Variants in ST7L observed in about 807,000 individuals in gnomAD.
ST7L encodes the protein suppression of tumorigenicity 7 like, also known as suppressor of tumorigenicity 7 protein-like.
ST7L carries 57 observed loss-of-function variants against 72.5 expected under a neutral mutation model. That is an observed-to-expected ratio of 0.79 (90% CI 0.64 to 0.98). The LOEUF (loss-of-function observed/expected upper bound fraction) is 0.98. Among genes scored for constraint, ST7L ranks in the 50% least tolerant of loss-of-function variants. ST7L has a pLI of 0.00. For synonymous variants in ST7L, 221 were observed against 240.9 expected (o/e 0.92, Z 0.77); for missense variants, 576 against 672.2 (o/e 0.86, Z 1.58).
intron 11 of ST7L, among the ~76,000 whole-genome samples, chr1:112,568,298 A>C (rs1244981591): frequency 6.6e-6 from 1 of 151,770 alleles, no homozygotes; most frequent in Non-Finnish European, 1.5e-5. Context: ...GGATCACATT[A>C]ATCAAGAGTG....
intron 3 of ST7L, among the ~76,000 whole-genome samples, chr1:112,609,707 C>T (rs541311705): frequency 6.6e-6 from 1 of 151,976 alleles, no homozygotes; most frequent in South Asian, 2.1e-4. Flanking sequence ...CCTGTAGTCC[C>T]AGCTACTCGG....
At chr1:112,527,839 T>C (rs971678961) in intron 14 of ST7L, 6 of 152,184 alleles carry the variant, frequency 3.9e-5, no homozygotes, top group Non-Finnish European at 2.9e-5. Flanking sequence ...CCTGAACACA[T>C]GCGCTGCTTC....
rs199662831 is a variant in ST7L, at chr1:112,610,958, C to T, written c.334G>A (p.Glu112Lys). 8.6e-5 allele frequency: 138 copies of T among 1,614,018 alleles called. No individual in the cohort carries two copies. The highest frequency in any genetic ancestry group is 1.9e-5 in the Non-Finnish European group (22 of 1,180,028). The change falls in exon 3 of 15, where the codon GAG (glutamate) becomes AAG (lysine). Residue 112 changes from glutamate (E) to lysine (K), a missense_variant. Coordinates refer to ENST00000358039, the MANE Select transcript of ST7L (RefSeq NM_017744.5). ...TGCAAATGGCTTACAGATACTTGCT[C>T]AATAAAAGATGTGCCATGCTTATGG... ...YFHKHGTSFI[E>K]QVSVSHLQPL...
rs1247574481 is a variant in ST7L at position 112,608,894 on chromosome 1, G to A, written c.451+1947C>T. On this transcript the variant is annotated intron_variant, in intron 3 of 14. Transcript: ENST00000358039. Reference sequence around the variant, plus strand: ...AAGTGCCACCAGTTGCACTCAGGCAGTATTTTTCTACTAAACTATCATAAC... The same window carrying A: ...AAGTGCCACCAGTTGCACTCAGGCAATATTTTTCTACTAAACTATCATAAC... Among the ~76,000 whole-genome samples the A allele has an allele frequency of 2.6e-5, 4 of 152,144 alleles. 1 individual carries two copies. The highest frequency in any genetic ancestry group is 2.6e-4 in the Admixed American group (4 of 15,282).
chr1:112,568,227 T>C (rs748070505), intron 11 of ST7L, among the ~76,000 whole-genome samples: 1 of 152,208 alleles, frequency 6.6e-6, no homozygotes, highest in Non-Finnish European at 1.5e-5. Context: ...ATGTTTACAT[T>C]TCATAGGTGA....
At chr1:112,544,493 A>T (rs1249455277) in intron 13 of ST7L, among the ~76,000 whole-genome samples, 1 of 152,250 alleles carries the variant, frequency 6.6e-6, no homozygotes. Flanking sequence ...TTGTGCTTTC[A>T]GCACCCAAAG....
At chr1:112,581,836 G>C (rs911687087) in intron 9 of ST7L, among the ~76,000 whole-genome samples, 156 bp downstream of exon 9, 5 of 152,188 alleles carry the variant, frequency 3.3e-5, no homozygotes, top group African/African-American at 1.2e-4. Context: ...GCTAATGAAA[G>C]TCCTGATAAA....
intron 14 of ST7L, among the ~76,000 whole-genome samples, chr1:112,533,971 T>A (rs1391852292): frequency 6.6e-6 from 1 of 152,186 alleles, no homozygotes; most frequent in Non-Finnish European, 1.5e-5. Flanking sequence ...TCAGCCACCA[T>A]GCACAGCTTT....
intron 11 of ST7L, among the ~76,000 whole-genome samples, chr1:112,563,097 T>TATA (rs146284524): frequency 0.048 from 7,247 of 149,728 alleles, 540 homozygotes; most frequent in African/African-American, 0.16. Context: ...TTACTTTTGT[T>TATA]ATAATAATAA....
At chr1:112,590,372 C>A (rs1162763547) in intron 6 of ST7L, among the ~76,000 whole-genome samples, 1 of 152,164 alleles carries the variant, frequency 6.6e-6, no homozygotes, top group East Asian at 1.9e-4. Context: ...TGTTTTTCCC[C>A]TTGATTAAGC....
downstream of ST7L, among the ~76,000 whole-genome samples, chr1:112,519,872 C>CTTCTTTTTTTTTTT (rs10634267): frequency 3.3e-4 from 38 of 115,620 alleles, 1 homozygote; most frequent in Non-Finnish European, 4.4e-4. Flanking sequence ...GCCCATGCTT[C>CTTCTTTTTTTTTTT]TTTTTTTTTT....
At chr1:112,565,211 ATTTTTTTTTTT>A (rs777969643) in intron 11 of ST7L, among the ~76,000 whole-genome samples, 833 of 57,986 alleles carry the variant, frequency 0.014, 10 homozygotes, top group Admixed American at 0.018. Context: ...TGTTCGGCTA[ATTTTTTTTTTT>A]TTTTTTTTTT....
chr1:112,609,146 C>G (rs914199654), intron 3 of ST7L, among the ~76,000 whole-genome samples: 1 of 151,812 alleles, frequency 6.6e-6, no homozygotes, highest in African/African-American at 2.4e-5. Flanking sequence ...GGGCAACATA[C>G]TGAGACCTCA....
At chr1:112,543,405 G>A (rs1656497594) in intron 13 of ST7L, among the ~76,000 whole-genome samples, 1 of 151,912 alleles carries the variant, frequency 6.6e-6, no homozygotes, top group African/African-American at 2.4e-5. Flanking sequence ...AAAATTAGGT[G>A]GGCGTGGTGA....
intron 11 of ST7L, among the ~76,000 whole-genome samples, chr1:112,573,799 C>T (rs1029326472): frequency 6.6e-6 from 1 of 151,572 alleles, no homozygotes; most frequent in Admixed American, 6.6e-5. Context: ...GAGGCTGAGG[C>T]GGGCAGATCG....
intron 9 of ST7L, among the ~76,000 whole-genome samples, chr1:112,579,380 T>TA (rs34252016): frequency 1.8e-4 from 17 of 96,754 alleles, no homozygotes; most frequent in Admixed American, 3.5e-4. Context: ...CGAGACTCTG[T>TA]AAAAAAAAAA....
chr1:112,616,880 T>C lies in ST7L; in HGVS notation c.221A>G (p.Asn74Ser). 1 of 1,605,616 alleles carries C rather than the reference T, an allele frequency of 6.2e-7. No individual in the cohort carries two copies. The highest frequency in any genetic ancestry group is 1.1e-5 in the South Asian group (1 of 88,788). ...CACATAGAATTTGGGTGTCAATGAA[T>C]TTAAAAATACAGTCACTGTCAAAAG... ...ENLAAVTVFL[N>S]SLTPKFYVAL... Residue 74 changes from asparagine (N) to serine (S), a missense_variant, in exon 2 of 15, where the codon AAT (asparagine) becomes AGT (serine). Physicochemically the swap from Asn to Ser is conservative, Grantham distance 46 (BLOSUM62 1). Coordinates refer to ENST00000358039, the MANE Select transcript of ST7L (RefSeq NM_017744.5).
Position 112,582,033 on chromosome 1 carries a change from TGTAATTCTAAAA to T in ST7L, c.1016_1027del (p.Leu339_Leu342del). The T allele has an allele frequency of 6.2e-7, 1 of 1,613,538 alleles. No individual in the cohort carries two copies. On this transcript the variant is annotated inframe_deletion, in exon 9 of 15. Transcript: ENST00000358039. ...GACTGCCTGAACATCTGGATAGGCC[TGTAATTCTAAAA>T]GTGATTCTAAGAGATTTTCATGGAT... is the stretch of plus-strand genomic sequence containing the variant.
rs754775950 is a variant in ST7L at position 112,582,118 on chromosome 1, A to G, written c.955-12T>C. The G allele has an allele frequency of 6.5e-7, 1 of 1,536,106 alleles. No individual in the cohort carries two copies. Among genetic ancestry groups the G allele is most frequent in the South Asian group, 1.1e-5 (1 of 88,656 alleles). Reference sequence around the variant, plus strand: ...AATTCTTTCATCAACTGTATATTAAAAGGAAAAGAAAGATTAAAATCATAA... The same window carrying G: ...AATTCTTTCATCAACTGTATATTAAGAGGAAAAGAAAGATTAAAATCATAA... On this transcript the variant is annotated splice_polypyrimidine_tract_variant and intron_variant, in intron 8 of 14. Coordinates refer to ENST00000358039, the MANE Select transcript of ST7L (RefSeq NM_017744.5).
Sources: gnomAD v4.1 joint callset for allele counts (sites outside exome capture counted in the v4.1 genomes callset) on GRCh38, gnomAD v4.1.1 for gene constraint, MANE v1.5 for transcripts, NCBI Gene and HGNC (gene_info 2026-07-23, HGNC 2026-07-21) for gene names.